CELF2: variants seen among roughly 807,000 people sequenced by gnomAD.
CELF2 encodes the protein CUGBP Elav-like family member 2, also known as CUG triplet repeat RNA-binding protein 2.
In CELF2, 8 loss-of-function variants were observed where a neutral mutation model predicts 62.6. The observed-to-expected ratio is 0.13, with a 90% confidence interval of 0.07 to 0.23. CELF2 has a LOEUF of 0.23. CELF2 is among the 10% of genes least tolerant of loss of function. CELF2 has a pLI of 1.00. For synonymous variants in CELF2, 258 were observed against 250.0 expected (o/e 1.03, Z -0.30); for missense variants, 333 against 671.0 (o/e 0.50, Z 5.56).
rs1003047637 is a variant in CELF2, at chr10:11,019,890, A to G, written c.74+1727A>G. Among the ~76,000 whole-genome samples the G allele has an allele frequency of 5.9e-5, 9 of 152,296 alleles. No homozygotes were observed. The South Asian group carries it at 1.9e-3, about 32-fold the overall frequency. On this transcript the variant is annotated intron_variant, in intron 1 of 12. Transcript: ENST00000633077. ...ATGCGTTTTCTCCTCTAGAGGCTAG[A>G]GGGTCCAGGCTAAACTGAAGAATTC...
chr10:10,688,929 A>G, the CELF2 span, among the ~76,000 whole-genome samples: 1 of 152,094 alleles, frequency 6.6e-6, no homozygotes, highest in South Asian at 2.1e-4. Context: ...GCTTGAGCCC[A>G]GGAATTCGAG....
chr10:10,736,374 TTCTTTCTTTCTTTCTTTCTTTC>T, the CELF2 span, among the ~76,000 whole-genome samples: 44 of 97,450 alleles, frequency 4.5e-4, no homozygotes, highest in Middle Eastern at 5.2e-3. Flanking sequence ...CTTTCTTTCT[TTCTTTCTTTCTTTCTTTCTTTC>T]TTTTTTTTTT....
intron 3 of CELF2, among the ~76,000 whole-genome samples, chr10:11,225,018 G>C (rs753679369): frequency 9.9e-5 from 15 of 152,118 alleles, no homozygotes; most frequent in East Asian, 1.9e-4. Context: ...AAGAAGTTTC[G>C]TCTGTCCCTC....
At chr10:10,760,893 C>T in the CELF2 span, among the ~76,000 whole-genome samples, 3 of 152,128 alleles carry the variant, frequency 2.0e-5, no homozygotes, top group Non-Finnish European at 4.4e-5. Context: ...GGTCGCATCA[C>T]GCAAGGCTTT....
At chr10:10,585,221 C>A in the CELF2 span, among the ~76,000 whole-genome samples, 1 of 152,180 alleles carries the variant, frequency 6.6e-6, no homozygotes, top group East Asian at 1.9e-4. Context: ...CAAAACTCAT[C>A]CATTGTCTTC....
At chr10:10,565,864 T>C in the CELF2 span, among the ~76,000 whole-genome samples, 1 of 152,232 alleles carries the variant, frequency 6.6e-6, no homozygotes. Context: ...CAGTCCTTAA[T>C]GATGTATGAT....
At chr10:11,061,123 A>T (rs538734184) in intron 1 of CELF2, among the ~76,000 whole-genome samples, 1 of 152,378 alleles carries the variant, frequency 6.6e-6, no homozygotes, top group African/African-American at 2.4e-5. Context: ...CTGTTGGACC[A>T]AGCATTCTAT....
chr10:11,014,467 T>C (rs1242722997), upstream of CELF2, among the ~76,000 whole-genome samples: 1 of 152,208 alleles, frequency 6.6e-6, no homozygotes, highest in Non-Finnish European at 1.5e-5. Context: ...TAAATTATAG[T>C]AGCAACTTTG....
At chr10:10,584,203 A>C in the CELF2 span, among the ~76,000 whole-genome samples, 2 of 152,214 alleles carry the variant, frequency 1.3e-5, no homozygotes, top group South Asian at 4.1e-4. Flanking sequence ...GACTGAATTA[A>C]ATTTAAAGGA....
In CELF2 at chr10:11,255,509, C is replaced by G. The variant is rs1194124925; in HGVS notation, c.404-2229C>G. Among the ~76,000 whole-genome samples the G allele has an allele frequency of 6.6e-6, 1 of 152,212 alleles. No individual in the cohort carries two copies. Among genetic ancestry groups the G allele is most frequent in the Non-Finnish European group, 1.5e-5 (1 of 68,048 alleles). The stretch of plus-strand genomic sequence containing the variant: ...TCTCTCCAGACCCTTCGTCCAGCTT[C>G]AATTCCACATCCCCCAGCGAGCCTT... On this transcript the variant is annotated intron_variant, in intron 4 of 12. Coordinates refer to ENST00000633077, the MANE Select transcript of CELF2 (RefSeq NM_001326342.2). This position sits in a 1 kb window ranked among gnomAD's most constrained non-coding sequence, Gnocchi z 5.5.
the CELF2 span, among the ~76,000 whole-genome samples, chr10:10,694,769 G>A: frequency 6.7e-3 from 1,013 of 151,786 alleles, 19 homozygotes; most frequent in African/African-American, 0.023. Context: ...TTATGTAGTG[G>A]CCTTCTTTGT....
chr10:10,559,130 C>T, the CELF2 span, among the ~76,000 whole-genome samples: 1 of 152,026 alleles, frequency 6.6e-6, no homozygotes, highest in Non-Finnish European at 1.5e-5. Flanking sequence ...TCATTGAGGG[C>T]ACAGAGCGGG....
At chr10:11,130,217 G>C (rs1324189882) in intron 1 of CELF2, among the ~76,000 whole-genome samples, 1 of 152,082 alleles carries the variant, frequency 6.6e-6, no homozygotes, top group Non-Finnish European at 1.5e-5. Context: ...CTCTAATTTG[G>C]TTGCACTGTG....
intron 8 of CELF2, among the ~76,000 whole-genome samples, chr10:11,275,997 C>T (rs143199591): frequency 4.6e-5 from 7 of 152,248 alleles, no homozygotes; most frequent in African/African-American, 1.4e-4. Context: ...GAACCAAGCA[C>T]GGTTTGTGTT....
chr10:10,663,730 C>A, the CELF2 span, among the ~76,000 whole-genome samples: 1 of 152,170 alleles, frequency 6.6e-6, no homozygotes, highest in African/African-American at 2.4e-5. Flanking sequence ...TGATATCAGG[C>A]TTTCATATCC....
chr10:11,105,289 C>T (rs184336978), intron 1 of CELF2, among the ~76,000 whole-genome samples: 7 of 152,208 alleles, frequency 4.6e-5, no homozygotes, highest in Non-Finnish European at 8.8e-5. Context: ...GCTTTGAATT[C>T]ATCAGTTTGC....
chr10:10,690,292 A>G, the CELF2 span, among the ~76,000 whole-genome samples: 1 of 152,180 alleles, frequency 6.6e-6, no homozygotes, highest in African/African-American at 2.4e-5. Flanking sequence ...TGTCCTCCAG[A>G]CTGTAGCTTC....
Position 11,321,480 on chromosome 10 carries a change from C to A in CELF2, c.1294+94C>A. 1 of 945,060 alleles carries A rather than the reference C, an allele frequency of 1.1e-6. No homozygotes were observed. The highest frequency in any genetic ancestry group is 1.6e-6 in the Non-Finnish European group (1 of 642,198). The allele number at this position is 945,060 out of a possible 1,614,324, so 58.5% of individuals were successfully genotyped here. On this transcript the variant is annotated intron_variant, in intron 11 of 12. Transcript: ENST00000633077. This position sits in a 1 kb window ranked among gnomAD's most constrained non-coding sequence, Gnocchi z 6.2. ...AGAAGGTATCAAATTGAACTGAACC[C>A]ATGTCATAACAGAAAGCAGTTGTTT...
At position 11,211,791 on chromosome 10, in the gene CELF2, T is replaced by TGAGAGA. The variant is rs144030698; in HGVS notation, c.272-5616_272-5611dup. ...GAGTGAGAGTGTGTGTGTATGTGTG[T>TGAGAGA]GAGAGAGAGAGAGAGAGAGAGAGTG... is the stretch of plus-strand genomic sequence containing the variant. On this transcript the variant is annotated intron_variant, in intron 2 of 12. Coordinates refer to ENST00000633077, the MANE Select transcript of CELF2 (RefSeq NM_001326342.2). This position sits in a 1 kb window ranked among gnomAD's most constrained non-coding sequence, Gnocchi z 4.8. Among the ~76,000 whole-genome samples, 1 of 135,540 alleles carries TGAGAGA rather than the reference T, an allele frequency of 7.4e-6. No individual in the cohort carries two copies. The allele number at this position is 135,540 out of a possible 152,430, so 88.9% of individuals were successfully genotyped here. A position where few individuals can be genotyped will look rare whatever the true frequency, so the allele number is the denominator to read the frequency against.
Sources: allele counts gnomAD v4.1 joint callset (sites outside exome capture counted in the v4.1 genomes callset), GRCh38; gene constraint gnomAD v4.1.1; non-coding constraint Gnocchi (gnomAD v3.1); transcripts MANE v1.5; gene names NCBI Gene and HGNC (gene_info 2026-07-23, HGNC 2026-07-21).